The following DNAH6 variants were observed in gnomAD, a reference collection of about 807,000 sequenced individuals.
DNAH6 encodes axonemal beta dynein heavy chain 6.
A neutral mutation model predicts 491.4 loss-of-function variants in DNAH6; 340 were observed. The ratio of observed to expected loss-of-function variants is 0.69; its 90% CI spans 0.63 to 0.76. DNAH6 has a LOEUF of 0.76. Among genes scored for constraint, DNAH6 ranks in the 30% least tolerant of loss-of-function variants. DNAH6 has a pLI of 0.00. For missense variants in DNAH6, 4,443 were observed against 4,972.2 expected (o/e 0.89, Z 3.20); for synonymous variants, 1,603 against 1,686.1 (o/e 0.95, Z 1.21).
chr2:84,560,802 T>G (rs187991298), intron 11 of DNAH6, among the ~76,000 whole-genome samples: 1 of 152,214 alleles, frequency 6.6e-6, no homozygotes, highest in Admixed American at 6.5e-5. Context: ...TCATTTCTTA[T>G]GGCTGCATAG....
At chr2:84,518,834 A>C (rs1306450413) in intron 2 of DNAH6, among the ~76,000 whole-genome samples, 1 of 152,236 alleles carries the variant, frequency 6.6e-6, no homozygotes, top group Non-Finnish European at 1.5e-5. Flanking sequence ...TCCTGTTGAC[A>C]TTCTAGTAAT....
In DNAH6 at chr2:84,727,771, T is replaced by G; in HGVS notation, c.10075T>G (p.Ser3359Ala). ...QTLLTAYVNV[S>A]RGLFEQHKLI... ...TCTCCTAACTGCTTATGTCAATGTT[T>G]CAAGAGGACTTTTTGAGCAACATAA... The change falls in exon 61 of 77, where the codon TCA (serine) becomes GCA (alanine). Residue 3359 changes from serine to alanine, a missense_variant. Ser to Ala is a moderately conservative substitution (Grantham distance 99, BLOSUM62 1). Coordinates refer to ENST00000389394, the MANE Select transcript of DNAH6 (RefSeq NM_001370.2). 3 of 1,551,556 alleles carry G rather than the reference T, an allele frequency of 1.9e-6. No individual in the cohort carries two copies. Among genetic ancestry groups the G allele is most frequent in the South Asian group, 2.4e-5 (2 of 84,046 alleles).
At chr2:84,706,429 AT>A (rs998642525) in intron 52 of DNAH6, among the ~76,000 whole-genome samples, 10 of 152,226 alleles carry the variant, frequency 6.6e-5, no homozygotes, top group African/African-American at 1.7e-4. Flanking sequence ...TCTTTTAAAG[AT>A]TTTTTTCTAA....
intron 21 of DNAH6, among the ~76,000 whole-genome samples, chr2:84,609,915 G>T (rs1191052833): frequency 6.6e-6 from 1 of 152,088 alleles, no homozygotes; most frequent in Non-Finnish European, 1.5e-5. Flanking sequence ...TTATTATTTT[G>T]CTGTGAAACA....
intron 44 of DNAH6, among the ~76,000 whole-genome samples, chr2:84,687,280 C>T (rs1423336005): frequency 1.3e-5 from 2 of 152,124 alleles, no homozygotes; most frequent in African/African-American, 4.8e-5. Context: ...TACTAAGGTG[C>T]CTCTTGTTCG....
intron 55 of DNAH6, 21 bp from the exon 56 acceptor site, chr2:84,710,266 G>A (rs532737153): frequency 6.4e-7 from 1 of 1,550,668 alleles, no homozygotes; most frequent in African/African-American, 1.4e-5. Context: ...CAAATGTTCT[G>A]CTCTGTGCTT....
chr2:84,578,065 T>C (rs532729242), intron 13 of DNAH6, among the ~76,000 whole-genome samples: 132 of 152,300 alleles, frequency 8.7e-4, no homozygotes, highest in Middle Eastern at 3.4e-3. Flanking sequence ...CAAAGTTTAG[T>C]AGTTGTGACA....
chr2:84,537,086 C>T (rs1377772225), intron 4 of DNAH6, among the ~76,000 whole-genome samples: 2 of 151,900 alleles, frequency 1.3e-5, no homozygotes, highest in Non-Finnish European at 2.9e-5. Flanking sequence ...AAGCATTGTG[C>T]TAGAGGATTG....
At chr2:84,756,838 C>T (rs2105103338) in intron 63 of DNAH6, among the ~76,000 whole-genome samples, 1 of 152,280 alleles carries the variant, frequency 6.6e-6, no homozygotes. Flanking sequence ...GAAAAATGCT[C>T]TGAGGGCTTC....
intron 52 of DNAH6, among the ~76,000 whole-genome samples, chr2:84,706,046 G>A (rs752425217): frequency 3.9e-5 from 6 of 152,050 alleles, no homozygotes; most frequent in South Asian, 2.1e-4. Context: ...CTGTATTTCC[G>A]TTTGCTAAAT....
At chr2:84,766,203 G>A in intron 64 of DNAH6, among the ~76,000 whole-genome samples, 1 of 152,120 alleles carries the variant, frequency 6.6e-6, no homozygotes, top group Non-Finnish European at 1.5e-5. Context: ...TATTCAGACA[G>A]TGAAATTAAG....
At chr2:84,765,247 G>C (rs1674968600) in intron 64 of DNAH6, among the ~76,000 whole-genome samples, 1 of 152,042 alleles carries the variant, frequency 6.6e-6, no homozygotes, top group Non-Finnish European at 1.5e-5. Context: ...TGGAGGTTAG[G>C]TAATGAGAGA....
the DNAH6 span, among the ~76,000 whole-genome samples, chr2:84,487,662 T>A: frequency 6.6e-6 from 1 of 152,216 alleles, no homozygotes; most frequent in African/African-American, 2.4e-5. Context: ...TGTAGACACT[T>A]GCCAAATAAT....
At chr2:84,720,634 G>T (rs1698050280) in intron 59 of DNAH6, among the ~76,000 whole-genome samples, 1 of 151,996 alleles carries the variant, frequency 6.6e-6, no homozygotes, top group Admixed American at 6.5e-5. Flanking sequence ...TTATAAATCG[G>T]GTGAGTTCGT....
chr2:84,715,759 A>ACT, intron 58 of DNAH6, 132 bp downstream of exon 58: 1 of 831,576 alleles, frequency 1.2e-6, no homozygotes. Context: ...TCAAAAAAAA[A>ACT]TACAAGTAAG....
intron 29 of DNAH6, among the ~76,000 whole-genome samples, chr2:84,631,388 C>G (rs566395659): frequency 1.2e-4 from 19 of 152,264 alleles, no homozygotes; most frequent in African/African-American, 4.3e-4. Context: ...CTACCAGCAC[C>G]TAATCCACAG....
At chr2:84,497,142 T>C in the DNAH6 span, among the ~76,000 whole-genome samples, 1 of 152,102 alleles carries the variant, frequency 6.6e-6, no homozygotes, top group African/African-American at 2.4e-5. Flanking sequence ...AGCTAATTTT[T>C]ATATTTTTAG....
the DNAH6 span, among the ~76,000 whole-genome samples, chr2:84,487,490 G>A: frequency 2.0e-5 from 3 of 152,184 alleles, no homozygotes; most frequent in African/African-American, 7.2e-5. Context: ...CATGGAGTCT[G>A]GCTCCTGTTG....
chr2:84,814,810 G>T (rs895899475), intron 75 of DNAH6, among the ~76,000 whole-genome samples: 1 of 152,216 alleles, frequency 6.6e-6, no homozygotes, highest in East Asian at 1.9e-4. Context: ...GAGATCTGGG[G>T]AGACTTCAGA....
Sources: gnomAD v4.1 joint callset for allele counts (sites outside exome capture counted in the v4.1 genomes callset) on GRCh38, gnomAD v4.1.1 for gene constraint, MANE v1.5 for transcripts, NCBI Gene and HGNC (gene_info 2026-07-23, HGNC 2026-07-21) for gene names.